The following TBC1D19 variants were observed in gnomAD, a reference collection of about 807,000 sequenced individuals.
TBC1D19 encodes the protein TBC1 domain family, member 19.
TBC1D19 carries 60 observed loss-of-function variants against 89.0 expected under a neutral mutation model. That is an observed-to-expected ratio of 0.67 (90% CI 0.55 to 0.84). The LOEUF is 0.84. TBC1D19 is among the 40% of genes least tolerant of loss of function. The pLI, the probability that TBC1D19 is intolerant of heterozygous loss-of-function variation, is 0.00. For missense variants in TBC1D19, 500 were observed against 610.8 expected, an observed-to-expected ratio of 0.82 and a Z score of 1.91; for synonymous variants, 189 against 199.7, an observed-to-expected ratio of 0.95 and a Z score of 0.45.
chr4:26,664,746 C>A (rs1021052921), intron 8 of TBC1D19, among the ~76,000 whole-genome samples: 16 of 151,860 alleles, frequency 1.1e-4, no homozygotes, highest in African/African-American at 3.4e-4. Context: ...GGTTTATATC[C>A]CGATCATTGT....
chr4:26,649,815 A>T (rs1744219133), intron 7 of TBC1D19, among the ~76,000 whole-genome samples: 1 of 151,704 alleles, frequency 6.6e-6, no homozygotes. Context: ...GCACCCATTA[A>T]CTCGTCATTT....
the TBC1D19 span, among the ~76,000 whole-genome samples, chr4:26,829,377 C>T: frequency 1.3e-5 from 2 of 152,222 alleles, no homozygotes; most frequent in African/African-American, 4.8e-5. Context: ...AGAAATCTCT[C>T]ATCGTAAGCC....
At chr4:26,658,569 G>A (rs1577891761) in intron 7 of TBC1D19, among the ~76,000 whole-genome samples, 1 of 152,128 alleles carries the variant, frequency 6.6e-6, no homozygotes. Flanking sequence ...TGACTATGCG[G>A]GCTCTTTTTT....
chr4:26,644,253 G>T (rs1385124215), intron 7 of TBC1D19, among the ~76,000 whole-genome samples: 1 of 152,134 alleles, frequency 6.6e-6, no homozygotes, highest in Non-Finnish European at 1.5e-5. Flanking sequence ...TCCCTGGGAT[G>T]CAAGGCTGGT....
chr4:26,685,184 T>G (rs943142837), intron 12 of TBC1D19, among the ~76,000 whole-genome samples: 8 of 152,194 alleles, frequency 5.3e-5, no homozygotes. Flanking sequence ...GTGGAAGTGG[T>G]GCTCTGGGCC....
At chr4:26,658,565 T>A (rs1168612678) in intron 7 of TBC1D19, among the ~76,000 whole-genome samples, 4 of 152,216 alleles carry the variant, frequency 2.6e-5, no homozygotes, top group African/African-American at 9.7e-5. Flanking sequence ...GTCTTGACTA[T>A]GCGGGCTCTT....
chr4:26,638,621 C>A, intron 5 of TBC1D19, 150 bp from the exon 6 acceptor site: 1 of 609,742 alleles, frequency 1.6e-6, no homozygotes, highest in Non-Finnish European at 2.9e-6. Flanking sequence ...AATTTAAATG[C>A]AGTTACCCCC....
At chr4:26,591,550 C>A (rs1300786049) in intron 1 of TBC1D19, among the ~76,000 whole-genome samples, 3 of 152,066 alleles carry the variant, frequency 2.0e-5, no homozygotes, top group Non-Finnish European at 4.4e-5. Flanking sequence ...AATCCAGGAA[C>A]TGGTTTTTTG....
the TBC1D19 span, among the ~76,000 whole-genome samples, chr4:26,834,901 C>T: frequency 6.6e-6 from 1 of 152,172 alleles, no homozygotes; most frequent in Non-Finnish European, 1.5e-5. Flanking sequence ...ATCATGCTTT[C>T]TACTCAGCAT....
At chr4:26,650,566 T>C (rs1744292683) in intron 7 of TBC1D19, among the ~76,000 whole-genome samples, 1 of 152,216 alleles carries the variant, frequency 6.6e-6, no homozygotes, top group Admixed American at 6.5e-5. Flanking sequence ...GGTTGATTGT[T>C]TTTTTCTTGT....
intron 9 of TBC1D19, among the ~76,000 whole-genome samples, chr4:26,668,749 T>C (rs1365846670): frequency 6.6e-6 from 1 of 151,966 alleles, no homozygotes; most frequent in East Asian, 1.9e-4. Flanking sequence ...TAAGCGTGGC[T>C]TAAGGGAATT....
At chr4:26,675,091 TA>T (rs1241099603) in intron 11 of TBC1D19, among the ~76,000 whole-genome samples, 4 of 152,230 alleles carry the variant, frequency 2.6e-5, no homozygotes, top group Non-Finnish European at 5.9e-5. Context: ...AAATAGTTTA[TA>T]AAATAGTTTT....
intron 11 of TBC1D19, among the ~76,000 whole-genome samples, chr4:26,682,824 T>G (rs1436238323): frequency 6.6e-6 from 1 of 152,200 alleles, no homozygotes; most frequent in Non-Finnish European, 1.5e-5. Context: ...CTTTCCTCCC[T>G]TATTCTCTCC....
At chr4:26,820,171 G>A in the TBC1D19 span, among the ~76,000 whole-genome samples, 1 of 152,174 alleles carries the variant, frequency 6.6e-6, no homozygotes, top group Non-Finnish European at 1.5e-5. Context: ...TTTGGAGGAT[G>A]AGAACATTAA....
intron 7 of TBC1D19, among the ~76,000 whole-genome samples, chr4:26,655,633 CA>C (rs1744745398): frequency 6.6e-6 from 1 of 151,986 alleles, no homozygotes; most frequent in Non-Finnish European, 1.5e-5. Context: ...GCTGTGCTAG[CA>C]ATGAGTGAGG....
Position 26,625,429 on chromosome 4 carries a change from C to T in TBC1D19, c.294+4741C>T, listed in dbSNP as rs117891735. 4.7e-4 allele frequency among the ~76,000 whole-genome samples: 72 copies of T among 152,242 alleles called. 1 individual carries two copies. In the East Asian group the frequency reaches 9.6e-3, roughly 20 times the overall value. ...ACAGAGAGTTCTCATAGATCTCATACGCAGTTTCCCTTATTATTAGCATCT... is the reference window on the plus strand; with the variant it reads ...ACAGAGAGTTCTCATAGATCTCATATGCAGTTTCCCTTATTATTAGCATCT... On this transcript the variant is annotated intron_variant, in intron 4 of 20. Transcript: ENST00000264866.
chr4:26,852,176 C>T, the TBC1D19 span, among the ~76,000 whole-genome samples: 1 of 152,340 alleles, frequency 6.6e-6, no homozygotes, highest in African/African-American at 2.4e-5. Context: ...TTGATGGCAA[C>T]TCCATTCTTC....
the TBC1D19 span, among the ~76,000 whole-genome samples, chr4:26,833,471 C>T: frequency 1.7e-4 from 26 of 152,306 alleles, no homozygotes; most frequent in Middle Eastern, 6.8e-3. Context: ...TGGCCACTCC[C>T]CAGCCCTTGG....
intron 1 of TBC1D19, among the ~76,000 whole-genome samples, chr4:26,599,262 A>G (rs1021993232): frequency 6.6e-6 from 1 of 152,236 alleles, no homozygotes; most frequent in Admixed American, 6.5e-5. Context: ...AGGCAACTTT[A>G]CAATCTGCTT....
Sources: gnomAD v4.1 joint callset for allele counts (sites outside exome capture counted in the v4.1 genomes callset) on GRCh38, gnomAD v4.1.1 for gene constraint, MANE v1.5 for transcripts, NCBI Gene and HGNC (gene_info 2026-07-23, HGNC 2026-07-21) for gene names.